The following RYR2 variants were observed in gnomAD, a reference collection of about 807,000 sequenced individuals.
The protein encoded by RYR2 is ryanodine receptor 2.
RYR2 carries 227 observed loss-of-function variants against 601.1 expected under a neutral mutation model. The observed-to-expected ratio is 0.38, with a 90% CI of 0.34 to 0.42. The LOEUF (loss-of-function observed/expected upper bound fraction) is 0.42, where lower values mean the gene tolerates loss of function less well. Among genes scored for constraint, RYR2 ranks in the 10% least tolerant of loss-of-function variants. The probability of loss-of-function intolerance (pLI) is 1.00; values close to 1 mark genes in which losing one functional copy is unlikely to be tolerated. For missense variants in RYR2, 4,646 were observed against 6,156.5 expected (o/e 0.75, Z 8.21); for synonymous variants, 2,223 against 2,175.1 (o/e 1.02, Z -0.61).
At chr1:237,681,869 C>G (rs1685914016) in intron 62 of RYR2, among the ~76,000 whole-genome samples, 1 of 152,170 alleles carries the variant, frequency 6.6e-6, no homozygotes, top group Non-Finnish European at 1.5e-5. Flanking sequence ...ACCAAGTTAC[C>G]CTTAAACGTC....
chr1:237,290,238 A>C (rs1692055822), intron 2 of RYR2, among the ~76,000 whole-genome samples: 1 of 152,238 alleles, frequency 6.6e-6, no homozygotes, highest in Non-Finnish European at 1.5e-5. Context: ...ATCTTTAAGG[A>C]AAGTGACAGA....
chr1:237,244,232 G>A (rs1326360968), intron 1 of RYR2, among the ~76,000 whole-genome samples: 2 of 152,154 alleles, frequency 1.3e-5, no homozygotes, highest in African/African-American at 4.8e-5. Flanking sequence ...GCACAAGGTA[G>A]TATTTAGAAA....
Position 237,831,582 on chromosome 1 carries a change from A to C in RYR2, c.14808+17A>C, listed in dbSNP as rs368520821. ...ACAGGACAGGTAGGTAAATTATTAC[A>C]TGTCATCTTCTGAAAGAAATGATAG... On this transcript the variant is annotated intron_variant, in intron 104 of 104. Coordinates refer to ENST00000366574, the MANE Select transcript of RYR2 (RefSeq NM_001035.3). 93 of 1,445,014 alleles carry C rather than the reference A, an allele frequency of 6.4e-5. 1 individual carries two copies. The highest frequency in any genetic ancestry group is 8.5e-5 in the Non-Finnish European group (88 of 1,037,310). The allele number at this position is 1,445,014 out of a possible 1,614,324, so 89.5% of individuals were successfully genotyped here.
chr1:237,361,504 C>T (rs188843360), intron 4 of RYR2, among the ~76,000 whole-genome samples: 68 of 152,278 alleles, frequency 4.5e-4, no homozygotes, highest in African/African-American at 1.2e-3. Context: ...GGAAACTTCA[C>T]GCTAGAATGA....
rs905226907 is a variant in RYR2, at chr1:237,674,808, G to T, written c.8792G>T (p.Arg2931Leu). ...TATAGTTTCCTCCAACAACTCATTC[G>T]CTATGTGGATGAAGCCCATCAGTAT... ...FAYSFLQQLI[R>L]YVDEAHQYIL... The change falls in exon 60 of 105, where the codon CGC (arginine) becomes CTC (leucine). Residue 2931 changes from arginine (R) to leucine (L), a missense_variant. Arg to Leu is a moderately radical substitution (Grantham distance 102). Around this residue, in one of 17 missense-constraint regions of RYR2, gnomAD observed 1,497 missense variants for 1,842.6 expected, o/e 0.81. Coordinates refer to ENST00000366574, the MANE Select transcript of RYR2 (RefSeq NM_001035.3). 1.2e-6 allele frequency: 2 copies of T among 1,610,440 alleles called. No homozygotes were observed. Among genetic ancestry groups the T allele is most frequent in the African/African-American group, 2.7e-5 (2 of 74,802 alleles).
intron 2 of RYR2, among the ~76,000 whole-genome samples, chr1:237,307,592 G>C (rs1353448403): frequency 6.6e-6 from 1 of 152,086 alleles, no homozygotes; most frequent in African/African-American, 2.4e-5. Flanking sequence ...TATTTATCAA[G>C]CTAACTTGAG....
chr1:237,151,060 GA>G (rs1674656800), intron 1 of RYR2, among the ~76,000 whole-genome samples: 2 of 152,244 alleles, frequency 1.3e-5, no homozygotes, highest in East Asian at 3.9e-4. Context: ...TTTTCATCTA[GA>G]TTTTAAATTT....
intron 86 of RYR2, among the ~76,000 whole-genome samples, 179 bp from the exon 87 acceptor site, chr1:237,773,341 G>A (rs1040603041): frequency 2.0e-5 from 3 of 152,086 alleles, no homozygotes; most frequent in Non-Finnish European, 4.4e-5. Flanking sequence ...TAAGAAGGAG[G>A]TTCACATATT....
chr1:237,710,354 C>T (rs1169437012), intron 70 of RYR2, among the ~76,000 whole-genome samples: 1 of 152,110 alleles, frequency 6.6e-6, no homozygotes, highest in Non-Finnish European at 1.5e-5. Flanking sequence ...AGATATCTTA[C>T]CAGTTTACTT....
intron 8 of RYR2, among the ~76,000 whole-genome samples, chr1:237,384,212 A>C (rs1266507003): frequency 6.6e-6 from 1 of 152,224 alleles, no homozygotes; most frequent in Non-Finnish European, 1.5e-5. Context: ...TGAAATTTTC[A>C]TATGCTTATG....
intron 1 of RYR2, among the ~76,000 whole-genome samples, chr1:237,110,490 C>T (rs1239939544): frequency 2.7e-5 from 4 of 149,810 alleles, no homozygotes; most frequent in Non-Finnish European, 5.9e-5. Context: ...TGTTCAATTC[C>T]CACCTATGAG....
chr1:237,344,188 C>T (rs572845368), intron 3 of RYR2, among the ~76,000 whole-genome samples: 1 of 152,286 alleles, frequency 6.6e-6, no homozygotes, highest in South Asian at 2.1e-4. Flanking sequence ...ATATGTGCAG[C>T]TGGGTGAATC....
rs191601196 is a variant in RYR2 at position 237,280,102 on chromosome 1, C to T, written c.168+9486C>T. ...ACATGATAGAGCAATACTTTATATT[C>T]GGTGACTTCTCATTATTCACCAGCA... On this transcript the variant is annotated intron_variant, in intron 2 of 104. Coordinates refer to ENST00000366574, the MANE Select transcript of RYR2 (RefSeq NM_001035.3). Among the ~76,000 whole-genome samples the T allele has an allele frequency of 1.4e-3, 216 of 152,218 alleles. 1 individual carries two copies. Among genetic ancestry groups the T allele is most frequent in the African/African-American group, 4.9e-3 (203 of 41,538 alleles).
chr1:237,805,579 T>TTTTTTTTTTTTTTTTTAGA (rs1558456137), intron 98 of RYR2, among the ~76,000 whole-genome samples: 1 of 14,626 alleles, frequency 6.8e-5, no homozygotes, highest in African/African-American at 3.7e-4. Context: ...AGACTCTGTC[T>TTTTTTTTTTTTTTTTTAGA]CAAAAAAAAA....
intron 1 of RYR2, among the ~76,000 whole-genome samples, chr1:237,086,717 C>T (rs1170525007): frequency 6.6e-6 from 1 of 152,068 alleles, no homozygotes; most frequent in Non-Finnish European, 1.5e-5. Context: ...CTGGGTGGGA[C>T]CATATCACTT....
intron 1 of RYR2, among the ~76,000 whole-genome samples, chr1:237,222,305 C>A (rs891121779): frequency 2.0e-5 from 3 of 151,474 alleles, no homozygotes; most frequent in African/African-American, 7.3e-5. Flanking sequence ...CCCAGCTCCT[C>A]GGGAGGCTGA....
chr1:237,074,258 A>G (rs745365862), intron 1 of RYR2, among the ~76,000 whole-genome samples: 1 of 152,236 alleles, frequency 6.6e-6, no homozygotes, highest in Non-Finnish European at 1.5e-5. Context: ...TCAAGGCTGC[A>G]GTGAGCTACG....
intron 53 of RYR2, among the ~76,000 whole-genome samples, chr1:237,657,669 TTAA>T (rs574551900): frequency 2.7e-4 from 41 of 151,420 alleles, no homozygotes; most frequent in African/African-American, 9.6e-4. Flanking sequence ...ATTTATATAT[TTAA>T]TAATAATTGT....
intron 67 of RYR2, among the ~76,000 whole-genome samples, chr1:237,705,659 T>TA (rs1343903466): frequency 6.6e-6 from 1 of 151,900 alleles, no homozygotes; most frequent in Non-Finnish European, 1.5e-5. Context: ...GATGAGGGAG[T>TA]ATCGCAGCCT....
Sources: allele counts gnomAD v4.1 joint callset (sites outside exome capture counted in the v4.1 genomes callset), GRCh38; gene constraint gnomAD v4.1.1; regional missense constraint gnomAD v4.1.1; transcripts MANE v1.5; gene names NCBI Gene and HGNC (gene_info 2026-07-23, HGNC 2026-07-21).